The following RSBN1L variants were observed in gnomAD, a reference collection of about 807,000 sequenced individuals.
RSBN1L encodes lysine-specific demethylase RSBN1L.
RSBN1L carries 30 observed loss-of-function variants against 67.7 expected under a neutral mutation model. The observed-to-expected ratio is 0.44, with a 90% CI of 0.33 to 0.60. The LOEUF (loss-of-function observed/expected upper bound fraction) is 0.60. Among genes scored for constraint, RSBN1L ranks in the 20% least tolerant of loss-of-function variants. The pLI, the probability that RSBN1L is intolerant of heterozygous loss-of-function variation, is 0.02. For missense variants in RSBN1L, 992 were observed against 1,031.7 expected, an observed-to-expected ratio of 0.96 and a Z score of 0.53; for synonymous variants, 433 against 387.0, an observed-to-expected ratio of 1.12 and a Z score of -1.39.
chr7:77,716,488 G>T, intron 1 of RSBN1L, among the ~76,000 whole-genome samples: 1 of 144,058 alleles, frequency 6.9e-6, no homozygotes, highest in South Asian at 2.2e-4. Flanking sequence ...TTATTAACTT[G>T]AGAATTATTC....
intron 3 of RSBN1L, 104 bp from the exon 4 acceptor site, chr7:77,765,391 C>A: frequency 1.1e-6 from 1 of 928,952 alleles, no homozygotes; most frequent in Non-Finnish European, 1.5e-6. Flanking sequence ...TTTATTGCTA[C>A]AAAATGATAG....
At chr7:77,733,796 G>A (rs1791298744) in intron 1 of RSBN1L, among the ~76,000 whole-genome samples, 1 of 152,132 alleles carries the variant, frequency 6.6e-6, no homozygotes, top group African/African-American at 2.4e-5. Flanking sequence ...TTTTGTGATT[G>A]TGGTAGGCTT....
chr7:77,716,540 A>G (rs1481779907), intron 1 of RSBN1L, among the ~76,000 whole-genome samples: 2 of 146,756 alleles, frequency 1.4e-5, no homozygotes, highest in Non-Finnish European at 3.0e-5. Context: ...AGATATTTTC[A>G]TTAAATTTAT....
chr7:77,766,785 G>A (rs923698326), intron 4 of RSBN1L, among the ~76,000 whole-genome samples: 1 of 151,916 alleles, frequency 6.6e-6, no homozygotes, highest in African/African-American at 2.4e-5. Context: ...TACCCTATAT[G>A]TACATATATC....
At chr7:77,769,554 G>A (rs1791817256) in intron 5 of RSBN1L, among the ~76,000 whole-genome samples, 1 of 152,160 alleles carries the variant, frequency 6.6e-6, no homozygotes, top group Non-Finnish European at 1.5e-5. Context: ...AAGCCTGGAG[G>A]AGACCTTCCT....
chr7:77,706,163 G>A (rs1229208068), intron 1 of RSBN1L, among the ~76,000 whole-genome samples: 2 of 150,596 alleles, frequency 1.3e-5, no homozygotes, highest in Non-Finnish European at 3.0e-5. Flanking sequence ...TGCAACCTCC[G>A]CCCCCCAGGT....
chr7:77,729,706 A>G (rs1205624759), intron 1 of RSBN1L, among the ~76,000 whole-genome samples: 1 of 152,218 alleles, frequency 6.6e-6, no homozygotes, highest in African/African-American at 2.4e-5. Flanking sequence ...TAATCCCAGC[A>G]CTTTGGGAGG....
intron 3 of RSBN1L, among the ~76,000 whole-genome samples, chr7:77,759,940 A>C (rs1791677589): frequency 6.6e-6 from 1 of 152,184 alleles, no homozygotes; most frequent in Admixed American, 6.5e-5. Flanking sequence ...AACTTAGTGG[A>C]CTGTAGAGCT....
intron 2 of RSBN1L, among the ~76,000 whole-genome samples, chr7:77,742,679 A>G (rs568547486): frequency 5.2e-4 from 79 of 152,268 alleles, no homozygotes; most frequent in African/African-American, 1.8e-3. Context: ...TTCCACTAAA[A>G]ATACAAAATT....
chr7:77,706,290 C>T (rs1790891020), intron 1 of RSBN1L, among the ~76,000 whole-genome samples: 1 of 152,064 alleles, frequency 6.6e-6, no homozygotes, highest in Non-Finnish European at 1.5e-5. Flanking sequence ...GTTGTCCAGG[C>T]TGGTTTCGAG....
intron 1 of RSBN1L, among the ~76,000 whole-genome samples, chr7:77,726,703 G>C (rs940958040): frequency 1.3e-5 from 2 of 149,610 alleles, no homozygotes; most frequent in African/African-American, 4.9e-5. Flanking sequence ...TCTGCCTCTC[G>C]GGTTCAAGCG....
rs533847460 is a variant in RSBN1L, at chr7:77,741,337, G to A, written c.703+4811G>A. On this transcript the variant is annotated intron_variant, in intron 2 of 7. Coordinates refer to ENST00000334955, the MANE Select transcript of RSBN1L (RefSeq NM_198467.3). ...TTTGAAGGGGCAGATTAGTTGGATA[G>A]CAGTTCTATTCTTTCTGTTATAGGT... is the stretch of plus-strand genomic sequence containing the variant. Among the ~76,000 whole-genome samples the A allele has an allele frequency of 4.4e-4, 67 of 152,024 alleles. 2 individuals are homozygous for A. In the South Asian group the frequency reaches 0.013, roughly 30 times the overall value.
chr7:77,708,434 TGCAGTG>T (rs1336615818), intron 1 of RSBN1L, among the ~76,000 whole-genome samples: 1 of 150,674 alleles, frequency 6.6e-6, no homozygotes, highest in Non-Finnish European at 1.5e-5. Context: ...CAGGCTGGAG[TGCAGTG>T]GCATGATCTC....
intron 2 of RSBN1L, among the ~76,000 whole-genome samples, chr7:77,740,492 T>G (rs111723575): frequency 1.3e-5 from 2 of 152,124 alleles, no homozygotes; most frequent in Admixed American, 6.6e-5. Flanking sequence ...GTGACAACAT[T>G]GCAGTGCAAA....
At chr7:77,742,472 C>CAT (rs1428447699) in intron 2 of RSBN1L, among the ~76,000 whole-genome samples, 2 of 152,110 alleles carry the variant, frequency 1.3e-5, no homozygotes, top group Non-Finnish European at 2.9e-5. Context: ...GGACATTGGT[C>CAT]ATATAGGCAC....
intron 2 of RSBN1L, among the ~76,000 whole-genome samples, chr7:77,746,755 C>T (rs1272123748): frequency 4.6e-5 from 7 of 152,128 alleles, no homozygotes; most frequent in Admixed American, 4.6e-4. Flanking sequence ...TGGGTATAGG[C>T]ATTGAGTAAA....
intron 3 of RSBN1L, among the ~76,000 whole-genome samples, chr7:77,757,061 T>G (rs1014210272): frequency 6.6e-6 from 1 of 152,140 alleles, no homozygotes; most frequent in Non-Finnish European, 1.5e-5. Flanking sequence ...TGTTCTTAAA[T>G]TACAATCAGG....
rs146029842 is a variant in RSBN1L, at chr7:77,763,862, G to C, written c.1345-1633G>C. On this transcript the variant is annotated intron_variant, in intron 3 of 7. Transcript: ENST00000334955. ...ATTTTCTAACTTGTAGGAATGGTTT[G>C]TGGTTCTGAGAAGTCAATTTGTAAC... 5.6e-3 allele frequency among the ~76,000 whole-genome samples: 848 copies of C among 152,320 alleles called. 6 individuals are homozygous for C. Among genetic ancestry groups the C allele is most frequent in the Non-Finnish European group, 9.3e-3 (633 of 68,026 alleles).
chr7:77,725,182 G>GGAAGTAAAT (rs931141069), intron 1 of RSBN1L, among the ~76,000 whole-genome samples: 7 of 145,518 alleles, frequency 4.8e-5, no homozygotes, highest in African/African-American at 1.8e-4. Context: ...AAATAATTTA[G>GGAAGTAAAT]GAAGTAAATG....
Sources: gnomAD v4.1 joint callset for allele counts (sites outside exome capture counted in the v4.1 genomes callset) on GRCh38, gnomAD v4.1.1 for gene constraint, MANE v1.5 for transcripts, NCBI Gene and HGNC (gene_info 2026-07-23, HGNC 2026-07-21) for gene names.